Variants in PLIN4 observed in about 807,000 individuals in gnomAD.
PLIN4 encodes the protein perilipin 4, also known as perilipin-4.
Under a neutral mutation model 52.4 loss-of-function variants are expected in PLIN4, and 57 were observed. That is an observed-to-expected ratio of 1.09 (90% CI 0.88 to 1.36). The LOEUF (loss-of-function observed/expected upper bound fraction) is 1.36, where lower values mean the gene tolerates loss of function less well. Among genes scored for constraint, PLIN4 ranks in the 40% most tolerant of loss-of-function variants. PLIN4 has a pLI of 0.00. For synonymous variants in PLIN4, 826 were observed against 785.4 expected (o/e 1.05, Z -0.86); for missense variants, 1,757 against 1,770.3 (o/e 0.99, Z 0.13).
rs2145242126 is a variant in PLIN4 at position 4,504,674 on chromosome 19, G to A, written c.3901C>T (p.Pro1301Ser). Reference protein sequence around the residue: ...LQGLPAELQQPVGRARHSLCE... With the variant: ...LQGLPAELQQSVGRARHSLCE... ...AGGCTGTGCCGCGCCCGCCCCACTG[G>A]CTGCTGGAGCTCGGCGGGCAGGCCC... Residue 1301 changes from proline (P) to serine (S), a missense_variant, in exon 8 of 8, where the codon CCA (proline) becomes TCA (serine). Transcript: ENST00000301286. 1 of 1,602,730 alleles carries A rather than the reference G, an allele frequency of 6.2e-7. No individual in the cohort carries two copies. The highest frequency in any genetic ancestry group is 1.7e-5 in the Admixed American group (1 of 59,530).
Position 4,517,637 on chromosome 19 carries a change from T to C in PLIN4, c.113A>G (p.Asn38Ser), listed in dbSNP as rs201988075. The change falls in exon 3 of 8, where the codon AAC becomes AGC. Residue 38 changes from asparagine to serine, a missense_variant. Transcript: ENST00000301286. ...GFSSARNLVANAHSSARARPA... is the reference protein window; with the variant it reads ...GFSSARNLVASAHSSARARPA... ...CCGGGCTCTCGCCGAGCTATGTGCG[T>C]TGGCCACCAGGTTCCGGGCAGAGCT... 778 of 1,609,288 alleles carry C rather than the reference T, an allele frequency of 4.8e-4. 5 individuals are homozygous for C. In the African/African-American group the frequency reaches 9.4e-3, roughly 19 times the overall value.
At chr19:4,506,421 C>G (rs898476355) in intron 6 of PLIN4, among the ~76,000 whole-genome samples, 1 of 152,224 alleles carries the variant, frequency 6.6e-6, no homozygotes, top group African/African-American at 2.4e-5. Context: ...GTGACCAGCC[C>G]CAGCACAGCC....
chr19:4,511,470 G>C lies in PLIN4; in HGVS notation c.2490C>G (p.Asp830Glu). Residue 830 changes from aspartate to glutamate, a missense_variant, in exon 5 of 8, where the codon GAC becomes GAG. Asp to Glu is a conservative substitution (Grantham distance 45). Transcript: ENST00000301286. ...TAKTVLTGTKDTVCSGVTGAA... is the reference protein window; with the variant it reads ...TAKTVLTGTKETVCSGVTGAA... ...CACCGGTGACCCCACTGCAGACAGTGTCCTTGGTACCGGTCAGCACGGTCT... is the reference window on the plus strand; with the variant it reads ...CACCGGTGACCCCACTGCAGACAGTCTCCTTGGTACCGGTCAGCACGGTCT... 1 of 1,543,378 alleles carries C rather than the reference G, an allele frequency of 6.5e-7. No homozygotes were observed. The highest frequency in any genetic ancestry group is 8.9e-7 in the Non-Finnish European group (1 of 1,125,756).
In PLIN4 at chr19:4,512,011, T is replaced by G; in HGVS notation, c.1949A>C (p.Gln650Pro). ...SAVNVAKGAVQTGLKTTQNIA... is the reference protein window; with the variant it reads ...SAVNVAKGAVPTGLKTTQNIA... ...ATTTTGGGTCGTTTTCAGCCCAGTT[T>G]GCACAGCCCCCTTGGCCACGTTCAC... The change falls in exon 5 of 8, where the codon CAA (glutamine) becomes CCA (proline). Residue 650 changes from glutamine to proline, a missense_variant. Physicochemically the swap from Gln to Pro is moderately conservative, Grantham distance 76 (BLOSUM62 -1). Transcript: ENST00000301286. 6.2e-7 allele frequency: 1 copy of G among 1,611,552 alleles called. No individual in the cohort carries two copies. Among genetic ancestry groups the G allele is most frequent in the East Asian group, 2.2e-5 (1 of 44,736 alleles).
chr19:4,513,745 G>C (rs763091255), intron 4 of PLIN4, 44 bp from the exon 5 acceptor site: 9 of 1,528,040 alleles, frequency 5.9e-6, no homozygotes, highest in African/African-American at 2.8e-5. Flanking sequence ...GGACTGAGAG[G>C]TGTACTCCAC....
Position 4,504,233 on chromosome 19 carries a change from G to T in PLIN4, c.*226C>A. Reference sequence around the variant, plus strand: ...CCAGGCTCCGAGAGGGGCAGGCAGCGCTGGGGAGGAGGTGGGAGATGCAGG... The same window carrying T: ...CCAGGCTCCGAGAGGGGCAGGCAGCTCTGGGGAGGAGGTGGGAGATGCAGG... On this transcript the variant is annotated 3_prime_UTR_variant, in exon 8 of 8. Coordinates refer to ENST00000301286, the MANE Select transcript of PLIN4 (RefSeq NM_001367868.2). 4.2e-6 allele frequency: 2 copies of T among 481,758 alleles called. No individual in the cohort carries two copies. The highest frequency in any genetic ancestry group is 7.3e-6 in the Non-Finnish European group (2 of 275,568). 29.8% of individuals were successfully genotyped at this position (481,758 alleles called of 1,614,324 possible). A position where few individuals can be genotyped will look rare whatever the true frequency, so the allele number is the denominator to read the frequency against.
intron 6 of PLIN4, among the ~76,000 whole-genome samples, chr19:4,507,678 G>C (rs1311586204): frequency 6.6e-6 from 1 of 152,144 alleles, no homozygotes; most frequent in Non-Finnish European, 1.5e-5. Context: ...GGCAGAGCAA[G>C]ACCCTGTCTC....
At position 4,517,608 on chromosome 19, in the gene PLIN4, C is replaced by T; in HGVS notation, c.142G>A (p.Ala48Thr). The T allele has an allele frequency of 6.2e-7, 1 of 1,610,796 alleles. No homozygotes were observed. The highest frequency in any genetic ancestry group is 8.5e-7 in the Non-Finnish European group (1 of 1,179,214). ...NAHSSARARP[A>T]ADPTGAPAAE... is the part of the protein sequence containing the mutation. ...GCAGGCGCTCCTGTGGGGTCAGCGG[C>T]CGGCCGGGCTCTCGCCGAGCTATGT... is the stretch of plus-strand genomic sequence containing the variant. Residue 48 changes from alanine to threonine, a missense_variant, in exon 3 of 8, where the codon GCC becomes ACC. Ala to Thr is a moderately conservative substitution (Grantham distance 58). This residue lies in a region of PLIN4 where 332 missense variants were observed against 310.8 expected (regional missense o/e 1.07). Coordinates refer to ENST00000301286, the MANE Select transcript of PLIN4 (RefSeq NM_001367868.2).
intron 3 of PLIN4, among the ~76,000 whole-genome samples, chr19:4,516,885 C>A (rs908969582): frequency 2.6e-4 from 39 of 152,352 alleles, no homozygotes; most frequent in African/African-American, 9.1e-4. Flanking sequence ...AAGCCCAGGG[C>A]CGCTGTTCCC....
In PLIN4 at chr19:4,517,535, A is replaced by T; in HGVS notation, c.196+19T>A. The T allele has an allele frequency of 5.0e-6, 8 of 1,597,940 alleles. No homozygotes were observed. Among genetic ancestry groups the T allele is most frequent in the Non-Finnish European group, 6.8e-6 (8 of 1,171,512 alleles). On this transcript the variant is annotated intron_variant, in intron 3 of 7. Coordinates refer to ENST00000301286, the MANE Select transcript of PLIN4 (RefSeq NM_001367868.2). ...ATGTGTAGAGTCCCCCCACGCCCCC[A>T]GCTGGGCCAGCCACTCACCCTGAGC... is the stretch of plus-strand genomic sequence containing the variant.
At position 4,518,283 on chromosome 19, in the gene PLIN4, T is replaced by C; in HGVS notation, c.-11A>G. 1 of 1,232,456 alleles carries C rather than the reference T, an allele frequency of 8.1e-7. No individual in the cohort carries two copies. Among genetic ancestry groups the C allele is most frequent in the East Asian group, 3.2e-5 (1 of 31,704 alleles). 76.3% of individuals were successfully genotyped at this position (1,232,456 alleles called of 1,614,324 possible). On this transcript the variant is annotated 5_prime_UTR_variant, in exon 2 of 8. Coordinates refer to ENST00000301286, the MANE Select transcript of PLIN4 (RefSeq NM_001367868.2). Reference sequence around the variant, plus strand: ...GTCTGGAGCAGACATAGTGAGAACGTGAGAAGCTGGAAGGGGGCAGAGAAG... The same window carrying C: ...GTCTGGAGCAGACATAGTGAGAACGCGAGAAGCTGGAAGGGGGCAGAGAAG...
intron 5 of PLIN4, among the ~76,000 whole-genome samples, chr19:4,509,326 G>A (rs1244611947): frequency 0.015 from 272 of 18,246 alleles, no homozygotes; most frequent in Non-Finnish European, 0.023. Flanking sequence ...AAAAAAAAAA[G>A]TTAAGTGAGG....
intron 5 of PLIN4, among the ~76,000 whole-genome samples, chr19:4,509,327 T>TAAAAAAAAAAAAAAAAAAAAAAAAA (rs1245530767): frequency 1.2e-3 from 23 of 19,032 alleles, no homozygotes; most frequent in Non-Finnish European, 2.4e-3. Context: ...AAAAAAAAAG[T>TAAAAAAAAAAAAAAAAAAAAAAAAA]TAAGTGAGGC....
In PLIN4 at chr19:4,503,001, C is replaced by T. The variant is rs1335709286; in HGVS notation, c.*1458G>A. On this transcript the variant is annotated 3_prime_UTR_variant, in exon 8 of 8. Coordinates refer to ENST00000301286, the MANE Select transcript of PLIN4 (RefSeq NM_001367868.2). ...ATGGCTGTGTCTGGCATCCTAGCCT[C>T]CGATGGCCATGGGTGTCGGGCTGAG... The T allele has an allele frequency of 6.6e-6, 1 of 152,262 alleles. No homozygotes were observed. Among genetic ancestry groups the T allele is most frequent in the Non-Finnish European group, 1.5e-5 (1 of 68,112 alleles). The allele number at this position is 152,262 out of a possible 1,614,324, so 9.4% of individuals were successfully genotyped here. A position where few individuals can be genotyped will look rare whatever the true frequency, so the allele number is the denominator to read the frequency against.
chr19:4,502,295 G>A lies in PLIN4; in HGVS notation c.*2164C>T, dbSNP rs1000361826. 4 of 499,260 alleles carry A rather than the reference G, an allele frequency of 8.0e-6. No individual in the cohort carries two copies. The highest frequency in any genetic ancestry group is 3.2e-5 in the Admixed American group (1 of 31,486). 30.9% of individuals were successfully genotyped at this position (499,260 alleles called of 1,614,324 possible). On this transcript the variant is annotated 3_prime_UTR_variant, in exon 8 of 8. Coordinates refer to ENST00000301286, the MANE Select transcript of PLIN4 (RefSeq NM_001367868.2). ...CGCAGGCGGCAGTGTCACTGGGCCC[G>A]TTTGGGACTGGGTTGAGCCATCAGG... is the stretch of plus-strand genomic sequence containing the variant.
chr19:4,518,096 G>T, intron 2 of PLIN4, 126 bp downstream of exon 2: 1 of 830,376 alleles, frequency 1.2e-6, no homozygotes, highest in Non-Finnish European at 1.6e-6. Context: ...CTCCCAGACC[G>T]CCCCCACCAG....
chr19:4,509,783 A>T (rs1043586327), intron 5 of PLIN4, among the ~76,000 whole-genome samples: 1 of 149,926 alleles, frequency 6.7e-6, no homozygotes, highest in Non-Finnish European at 1.5e-5. Flanking sequence ...ATACAAAAAA[A>T]TACATAGCCG....
rs1057196399 is a variant in PLIN4, at chr19:4,508,970, G to A, written c.3515-15C>T. 1.3e-5 allele frequency: 21 copies of A among 1,603,798 alleles called. No individual in the cohort carries two copies. The highest frequency in any genetic ancestry group is 4.5e-5 in the East Asian group (2 of 44,822). On this transcript the variant is annotated splice_polypyrimidine_tract_variant and intron_variant, in intron 5 of 7. Transcript: ENST00000301286. The stretch of plus-strand genomic sequence containing the variant: ...AGCCAGCTGAGCTGGAAAGGAAGGC[G>A]CACCGCTCAGTCCCGGAAGCCCCTC...
At chr19:4,505,931 G>T (rs796136288) in intron 6 of PLIN4, among the ~76,000 whole-genome samples, 24 of 133,322 alleles carry the variant, frequency 1.8e-4, no homozygotes, top group African/African-American at 6.4e-4. Flanking sequence ...AAGCCTCAGG[G>T]GTCTCTTGGG....
Sources: allele counts gnomAD v4.1 joint callset (sites outside exome capture counted in the v4.1 genomes callset), GRCh38; gene constraint gnomAD v4.1.1; regional missense constraint gnomAD v4.1.1; transcripts MANE v1.5; gene names NCBI Gene and HGNC (gene_info 2026-07-23, HGNC 2026-07-21).